HDX: variants seen among roughly 807,000 people sequenced by gnomAD.
HDX encodes highly divergent homeobox.
HDX carries 19 observed loss-of-function variants against 45.2 expected under a neutral mutation model. The observed-to-expected ratio is 0.42, with a 90% confidence interval of 0.29 to 0.62. The LOEUF is 0.62. Among genes scored for constraint, HDX ranks in the 20% least tolerant of loss-of-function variants. HDX has a pLI of 0.20. For missense variants in HDX, 532 were observed against 493.9 expected (o/e 1.08, Z -0.73); for synonymous variants, 188 against 172.8 (o/e 1.09, Z -0.69).
In HDX at chrX:84,350,635, A is replaced by G. The variant is rs1180260501; in HGVS notation, c.1453-6178T>C. Among the ~76,000 whole-genome samples, 6 of 111,379 alleles carry G rather than the reference A, an allele frequency of 5.4e-5. No individual in the cohort carries two copies. In the East Asian group the frequency reaches 1.7e-3, roughly 31 times the overall value. On this transcript the variant is annotated intron_variant, in intron 6 of 10. Transcript: ENST00000373177. Reference sequence around the variant, plus strand: ...TCTGAAGTTTACTTTATCCGATATTATTGTATCAACTCCTGCTTTATTTTG... The same window carrying G: ...TCTGAAGTTTACTTTATCCGATATTGTTGTATCAACTCCTGCTTTATTTTG...
intron 10 of HDX, 77 bp downstream of exon 10, chrX:84,326,101 C>A: frequency 1.1e-6 from 1 of 939,862 alleles, no homozygotes; most frequent in Non-Finnish European, 1.5e-6. Context: ...AAAATGAAAA[C>A]ATATGAAGAA....
At chrX:84,365,411 C>G (rs1457950941) in intron 5 of HDX, among the ~76,000 whole-genome samples, 1 of 111,266 alleles carries the variant, frequency 9.0e-6, no homozygotes, top group Admixed American at 9.6e-5. Flanking sequence ...CATATACTCA[C>G]AGGCTGAGGA....
chrX:84,335,123 G>A (rs2036933078), intron 8 of HDX, among the ~76,000 whole-genome samples: 1 of 111,069 alleles, frequency 9.0e-6, no homozygotes, highest in South Asian at 3.8e-4. Flanking sequence ...GCCTGGAGAT[G>A]AATCCAATAT....
intron 9 of HDX, among the ~76,000 whole-genome samples, chrX:84,326,770 G>A (rs2036720418): frequency 2.7e-5 from 3 of 110,432 alleles, no homozygotes; most frequent in African/African-American, 9.9e-5. Flanking sequence ...AAATTAGTAG[G>A]GCATGGTGGT....
intron 5 of HDX, among the ~76,000 whole-genome samples, chrX:84,418,371 GA>G (rs1355400406): frequency 5.4e-5 from 6 of 111,726 alleles, no homozygotes; most frequent in African/African-American, 1.3e-4. Context: ...AATAATGCGT[GA>G]AAAAAATAAG....
rs2040314041 is a variant in HDX, at chrX:84,464,916, A to G, written c.1251+3556T>C. ...CTACAGAATGGGAGAAAATTTTTGC[A>G]ATCTACTCATCTGACAAAGGGCTAA... On this transcript the variant is annotated intron_variant, in intron 4 of 10. Transcript: ENST00000373177. Among the ~76,000 whole-genome samples, 4 of 112,047 alleles carry G rather than the reference A, an allele frequency of 3.6e-5. No homozygotes were observed. The South Asian group carries it at 1.5e-3, about 41-fold the overall frequency.
intron 5 of HDX, among the ~76,000 whole-genome samples, chrX:84,416,635 G>T (rs934416647): frequency 9.0e-6 from 1 of 111,083 alleles, no homozygotes; most frequent in African/African-American, 3.3e-5. Context: ...TGTGTGGCAC[G>T]TTGTGGACCA....
chrX:84,372,853 T>A (rs1339093654), intron 5 of HDX, among the ~76,000 whole-genome samples: 1 of 111,200 alleles, frequency 9.0e-6, no homozygotes, highest in African/African-American at 3.3e-5. Flanking sequence ...ATTAATAAAA[T>A]GTTTATATAG....
At chrX:84,380,931 C>T (rs755151570) in intron 5 of HDX, among the ~76,000 whole-genome samples, 4 of 110,758 alleles carry the variant, frequency 3.6e-5, no homozygotes, top group African/African-American at 6.5e-5. Flanking sequence ...TCAAATTATC[C>T]TTCTTTGCAA....
rs199997672 is a variant in HDX at position 84,336,806 on chromosome X, T to G, written c.1735A>C (p.Asn579His). Residue 579 changes from asparagine to histidine, a missense_variant, in exon 8 of 11, where the codon AAT (asparagine) becomes CAT (histidine). Around this residue, in one of 3 missense-constraint regions of HDX, gnomAD observed 151 missense variants for 131.8 expected, o/e 1.15. Coordinates refer to ENST00000373177, the MANE Select transcript of HDX (RefSeq NM_001177479.2). ...GAATTTCAAACTGTACATACCACAT[T>G]ATCTGTGGTTACTGCATGGTGGTCC... ...EEDHHAVTTD[N>H]VKIEIIDDEE... 1 of 1,142,048 alleles carries G rather than the reference T, an allele frequency of 8.8e-7. No individual in the cohort carries two copies. The highest frequency in any genetic ancestry group is 1.2e-6 in the Non-Finnish European group (1 of 837,020). 94.1% of individuals were successfully genotyped at this position (1,142,048 alleles called of 1,213,427 possible).
rs1314175650 is a variant in HDX at position 84,322,088 on chromosome X, T to C, written c.1948-74A>G. The C allele has an allele frequency of 1.2e-5, 7 of 607,735 alleles. No individual in the cohort carries two copies. The Admixed American group carries it at 3.0e-4, about 26-fold the overall frequency. The allele number at this position is 607,735 out of a possible 1,213,427, so 50.1% of individuals were successfully genotyped here. A position where few individuals can be genotyped will look rare whatever the true frequency, so the allele number is the denominator to read the frequency against. ...TTCCAATTTATATTAATAGTTGTAGTCCTCCCATGGTGAATTATCCTTATG... is the reference window on the plus strand; with the variant it reads ...TTCCAATTTATATTAATAGTTGTAGCCCTCCCATGGTGAATTATCCTTATG... On this transcript the variant is annotated intron_variant, in intron 10 of 10. Coordinates refer to ENST00000373177, the MANE Select transcript of HDX (RefSeq NM_001177479.2).
At chrX:84,397,958 C>T (rs1468173055) in intron 5 of HDX, among the ~76,000 whole-genome samples, 1 of 110,860 alleles carries the variant, frequency 9.0e-6, no homozygotes, top group Non-Finnish European at 1.9e-5. Flanking sequence ...ATAACCATAA[C>T]AGCGTGAGAA....
chrX:84,329,559 A>T (rs957892472), intron 9 of HDX, among the ~76,000 whole-genome samples: 1 of 112,055 alleles, frequency 8.9e-6, no homozygotes, highest in Non-Finnish European at 1.9e-5. Context: ...CCAAACCAGA[A>T]GGCGTTCAAG....
At chrX:84,373,989 T>C (rs1159362624) in intron 5 of HDX, among the ~76,000 whole-genome samples, 2 of 108,531 alleles carry the variant, frequency 1.8e-5, no homozygotes, top group African/African-American at 3.4e-5. Flanking sequence ...GCAGACGACA[T>C]GATTGTATAT....
At chrX:84,424,546 C>T (rs2039343001) in intron 5 of HDX, among the ~76,000 whole-genome samples, 1 of 111,326 alleles carries the variant, frequency 9.0e-6, no homozygotes, top group African/African-American at 3.3e-5. Flanking sequence ...AATCACATTA[C>T]CTGACTTCAA....
chrX:84,337,207 C>G (rs1227811355), intron 7 of HDX, among the ~76,000 whole-genome samples: 1 of 110,023 alleles, frequency 9.1e-6, no homozygotes, highest in African/African-American at 3.3e-5. Context: ...AATAGAAGAA[C>G]AGTAGTTATA....
At chrX:84,451,528 CAA>C (rs34145363) in intron 4 of HDX, among the ~76,000 whole-genome samples, 3 of 102,827 alleles carry the variant, frequency 2.9e-5, no homozygotes, top group African/African-American at 1.0e-4. Context: ...GAATCAGTAA[CAA>C]AAAAAAAAAT....
chrX:84,383,896 C>G (rs56007535), intron 5 of HDX, among the ~76,000 whole-genome samples: 39,322 of 110,421 alleles, frequency 0.36, 5,442 homozygotes, highest in South Asian at 0.49. Flanking sequence ...CCCTTTTATG[C>G]CTCCATAGTA....
intron 6 of HDX, among the ~76,000 whole-genome samples, chrX:84,350,282 C>T (rs1297359730): frequency 9.0e-6 from 1 of 111,019 alleles, no homozygotes; most frequent in Admixed American, 9.6e-5. Flanking sequence ...TCCATGAGCA[C>T]TTGAAAAGTG....
Sources: allele counts gnomAD v4.1 joint callset (sites outside exome capture counted in the v4.1 genomes callset), GRCh38; gene constraint gnomAD v4.1.1; regional missense constraint gnomAD v4.1.1; transcripts MANE v1.5; gene names NCBI Gene and HGNC (gene_info 2026-07-23, HGNC 2026-07-21).